CEP170B: variants seen among roughly 807,000 people sequenced by gnomAD.
CEP170B encodes the protein centrosomal protein 170B, also known as centrosomal protein of 170 kDa protein B.
Under a neutral mutation model 120.6 loss-of-function variants are expected in CEP170B, and 55 were observed. The observed-to-expected ratio is 0.46, with a 90% CI of 0.37 to 0.57. The LOEUF (loss-of-function observed/expected upper bound fraction) is 0.57, where lower values mean the gene tolerates loss of function less well. CEP170B is among the 20% of genes least tolerant of loss of function. CEP170B has a pLI of 0.00. For synonymous variants in CEP170B, 1,033 were observed against 954.5 expected (o/e 1.08, Z -1.52); for missense variants, 2,212 against 2,253.3 (o/e 0.98, Z 0.37).
At position 104,886,932 on chromosome 14, in the gene CEP170B, C is replaced by G. The variant is rs200963629; in HGVS notation, c.2693C>G (p.Thr898Ser). Residue 898 changes from threonine to serine, a missense_variant, in exon 12 of 19, where the codon ACC becomes AGC. Transcript: ENST00000414716. ...CCGCTTCTACAGGACCTGGCCGCTA[C>G]CCGGGCCGCACGCATGGACTTCCAC... ...SHPLLQDLAA[T>S]RAARMDFHSQ... The G allele has an allele frequency of 6.2e-7, 1 of 1,609,138 alleles. No individual in the cohort carries two copies. The highest frequency in any genetic ancestry group is 8.5e-7 in the Non-Finnish European group (1 of 1,179,810).
intron 6 of CEP170B, 23 bp downstream of exon 6, chr14:104,880,448 G>A: frequency 1.2e-6 from 2 of 1,607,778 alleles, no homozygotes; most frequent in Non-Finnish European, 1.7e-6. Context: ...AGTGCGGATG[G>A]GGTGAGCACA....
intron 5 of CEP170B, among the ~76,000 whole-genome samples, chr14:104,878,953 G>A (rs1896002705): frequency 1.3e-5 from 2 of 152,240 alleles, no homozygotes; most frequent in African/African-American, 4.8e-5. Flanking sequence ...TCACCCTGCA[G>A]GAGAGTGCAG....
rs1897085939 is a variant in CEP170B, at chr14:104,896,632, A to G, written c.*1674A>G. 1 of 455,814 alleles carries G rather than the reference A, an allele frequency of 2.2e-6. No individual in the cohort carries two copies. Among genetic ancestry groups the G allele is most frequent in the South Asian group, 1.6e-5 (1 of 64,506 alleles). 28.2% of individuals were successfully genotyped at this position (455,814 alleles called of 1,614,324 possible). A position where few individuals can be genotyped will look rare whatever the true frequency, so the allele number is the denominator to read the frequency against. ...GGTCCTTGTTTGCCGGGCTTCTCGGAGGGTTCACTGTACATTCGTTCTCAG... is the reference window on the plus strand; with the variant it reads ...GGTCCTTGTTTGCCGGGCTTCTCGGGGGGTTCACTGTACATTCGTTCTCAG... On this transcript the variant is annotated 3_prime_UTR_variant, in exon 19 of 19. Transcript: ENST00000414716.
In CEP170B at chr14:104,886,401, G is replaced by A. The variant is rs1896509157; in HGVS notation, c.2162G>A (p.Ser721Asn). 3 of 1,582,432 alleles carry A rather than the reference G, an allele frequency of 1.9e-6. No individual in the cohort carries two copies. Among genetic ancestry groups the A allele is most frequent in the South Asian group, 2.3e-5 (2 of 86,790 alleles). ...SPAGPESSRR[S>N]GPGPPELDSE... ...GCGGGCCCAGAGAGCAGCAGGAGGA[G>A]TGGGCCTGGGCCACCGGAGCTGGAC... Residue 721 changes from serine (S) to asparagine (N), a missense_variant, in exon 12 of 19, where the codon AGT becomes AAT. Ser to Asn is a conservative substitution (Grantham distance 46). This residue lies in a region of CEP170B where 2,166 missense variants were observed against 2,166.7 expected (regional missense o/e 1.00). Transcript: ENST00000414716.
chr14:104,872,616 T>C (rs1298553817), intron 2 of CEP170B, among the ~76,000 whole-genome samples: 1 of 152,136 alleles, frequency 6.6e-6, no homozygotes, highest in African/African-American at 2.4e-5. Context: ...TGAGAGCGTG[T>C]GACAGCTGGG....
intron 12 of CEP170B, 184 bp from the exon 13 acceptor site, chr14:104,889,436 G>A (rs1896678871): frequency 6.9e-7 from 1 of 1,458,162 alleles, no homozygotes; most frequent in South Asian, 1.4e-5. Context: ...CCCTCTCCCA[G>A]AGGGACCCTG....
chr14:104,868,595 G>A lies in CEP170B; in HGVS notation c.105+40G>A. Reference sequence around the variant, plus strand: ...CTTGGGGCCAGGAGGGTAGGGGGTAGACAGTCTGTCCCTGTGGAGGCCAGG... The same window carrying A: ...CTTGGGGCCAGGAGGGTAGGGGGTAAACAGTCTGTCCCTGTGGAGGCCAGG... On this transcript the variant is annotated intron_variant, in intron 2 of 18. Coordinates refer to ENST00000414716, the MANE Select transcript of CEP170B (RefSeq NM_001112726.3). The surrounding 1 kb of genome is among the most constrained non-coding windows in gnomAD (Gnocchi z 5.9). 1 of 1,529,590 alleles carries A rather than the reference G, an allele frequency of 6.5e-7. No homozygotes were observed. Among genetic ancestry groups the A allele is most frequent in the Non-Finnish European group, 8.8e-7 (1 of 1,133,494 alleles). 94.8% of individuals were successfully genotyped at this position (1,529,590 alleles called of 1,614,324 possible).
intron 2 of CEP170B, among the ~76,000 whole-genome samples, chr14:104,875,160 C>T (rs2140650259): frequency 6.6e-6 from 1 of 152,336 alleles, no homozygotes; most frequent in South Asian, 2.1e-4. Context: ...GGCCCAGGCT[C>T]TCACCTGGGA....
At chr14:104,869,396 G>A in intron 2 of CEP170B, among the ~76,000 whole-genome samples, 1 of 152,186 alleles carries the variant, frequency 6.6e-6, no homozygotes, top group East Asian at 1.9e-4. Flanking sequence ...TGGATGCAAC[G>A]TGCTACTGCC....
At position 104,886,433 on chromosome 14, in the gene CEP170B, C is replaced by A. The variant is rs1896511310; in HGVS notation, c.2194C>A (p.Gln732Lys). The A allele has an allele frequency of 1.3e-6, 2 of 1,576,712 alleles. No homozygotes were observed. Among genetic ancestry groups the A allele is most frequent in the Non-Finnish European group, 1.7e-6 (2 of 1,162,876 alleles). Residue 732 changes from glutamine to lysine, a missense_variant, in exon 12 of 19, where the codon CAG becomes AAG. Gln to Lys is a moderately conservative substitution (Grantham distance 53). Around this residue, in one of 2 missense-constraint regions of CEP170B, gnomAD observed 2,166 missense variants for 2,166.7 expected, o/e 1.00. Transcript: ENST00000414716. ...TGGGCCACCGGAGCTGGACAGTGAGCAGCCCAGCCGCCTCTTCGGCCAGGA... is the reference window on the plus strand; with the variant it reads ...TGGGCCACCGGAGCTGGACAGTGAGAAGCCCAGCCGCCTCTTCGGCCAGGA... ...GPGPPELDSEQPSRLFGQEEL... is the reference protein window; with the variant it reads ...GPGPPELDSEKPSRLFGQEEL...
At position 104,887,598 on chromosome 14, in the gene CEP170B, C is replaced by G. The variant is rs556690357; in HGVS notation, c.3359C>G (p.Pro1120Arg). ...TCCAACAGCCTGTCCACCCCTCGCCCCACACGGGCCTCCCGGCTGAGGCGG... is the reference window on the plus strand; with the variant it reads ...TCCAACAGCCTGTCCACCCCTCGCCGCACACGGGCCTCCCGGCTGAGGCGG... ...TRSNSLSTPR[P>R]TRASRLRRAR... Residue 1120 changes from proline (P) to arginine (R), a missense_variant, in exon 12 of 19, where the codon CCC becomes CGC. Transcript: ENST00000414716. 7.6e-6 allele frequency: 12 copies of G among 1,585,048 alleles called. No individual in the cohort carries two copies. In the East Asian group the frequency reaches 2.5e-4, roughly 33 times the overall value.
At chr14:104,871,820 G>A (rs982088622) in intron 2 of CEP170B, among the ~76,000 whole-genome samples, 5 of 152,302 alleles carry the variant, frequency 3.3e-5, no homozygotes, top group South Asian at 2.1e-4. Context: ...CAGAGTGGGC[G>A]GCCCGAGGCC....
intron 2 of CEP170B, among the ~76,000 whole-genome samples, chr14:104,872,514 G>A (rs1314868954): frequency 7.3e-6 from 1 of 137,778 alleles, no homozygotes; most frequent in Non-Finnish European, 1.6e-5. Context: ...GTGTAAGTGT[G>A]CATGTGCATA....
In CEP170B at chr14:104,886,939, C is replaced by T. The variant is rs1041178144; in HGVS notation, c.2700C>T (p.Ala900=). 6 of 1,608,828 alleles carry T rather than the reference C, an allele frequency of 3.7e-6. No individual in the cohort carries two copies. The highest frequency in any genetic ancestry group is 1.7e-5 in the Admixed American group (1 of 60,008). ...PLLQDLAATR[A]ARMDFHSQDT... ...TACAGGACCTGGCCGCTACCCGGGCCGCACGCATGGACTTCCACTCCCAGG... is the reference window on the plus strand; with the variant it reads ...TACAGGACCTGGCCGCTACCCGGGCTGCACGCATGGACTTCCACTCCCAGG... Residue 900 remains alanine, a synonymous_variant, in exon 12 of 19, where the codon GCC becomes GCT. Coordinates refer to ENST00000414716, the MANE Select transcript of CEP170B (RefSeq NM_001112726.3).
rs116524759 is a variant in CEP170B at position 104,876,707 on chromosome 14, G to C, written c.195+362G>C. 3.0e-3 allele frequency among the ~76,000 whole-genome samples: 457 copies of C among 152,312 alleles called. 3 individuals are homozygous for C. The highest frequency in any genetic ancestry group is 0.01 in the African/African-American group (431 of 41,572). ...AGGGTCTCAGGCCGCCAAGGATCAGGCTGCTCTCAGGGAGAGTGGACCCTG... is the reference window on the plus strand; with the variant it reads ...AGGGTCTCAGGCCGCCAAGGATCAGCCTGCTCTCAGGGAGAGTGGACCCTG... On this transcript the variant is annotated intron_variant, in intron 3 of 18. Coordinates refer to ENST00000414716, the MANE Select transcript of CEP170B (RefSeq NM_001112726.3).
chr14:104,870,838 A>G lies in CEP170B; in HGVS notation c.105+2283A>G, dbSNP rs1300781791. Among the ~76,000 whole-genome samples the G allele has an allele frequency of 6.6e-6, 1 of 151,948 alleles. No homozygotes were observed. Among genetic ancestry groups the G allele is most frequent in the African/African-American group, 2.4e-5 (1 of 41,334 alleles). On this transcript the variant is annotated intron_variant, in intron 2 of 18. Coordinates refer to ENST00000414716, the MANE Select transcript of CEP170B (RefSeq NM_001112726.3). The surrounding 1 kb of genome is among the most constrained non-coding windows in gnomAD (Gnocchi z 4.1). ...TGTCACCATTGTAAGATGTATCTCC[A>G]TGGGGAAACTGAGGCTCAGGGAGGC...
Position 104,896,503 on chromosome 14 carries a change from C to T in CEP170B, c.*1545C>T. On this transcript the variant is annotated 3_prime_UTR_variant, in exon 19 of 19. Transcript: ENST00000414716. Reference sequence around the variant, plus strand: ...GTCACGCTTCATCCACGGCTCCTTCCCACCCCTCGGCAGTGGCTGTGCAAT... The same window carrying T: ...GTCACGCTTCATCCACGGCTCCTTCTCACCCCTCGGCAGTGGCTGTGCAAT... The T allele has an allele frequency of 2.2e-6, 1 of 447,560 alleles. No individual in the cohort carries two copies. The highest frequency in any genetic ancestry group is 1.6e-5 in the South Asian group (1 of 64,380). 27.7% of individuals were successfully genotyped at this position (447,560 alleles called of 1,614,324 possible).
Position 104,883,057 on chromosome 14 carries a change from G to C in CEP170B, c.600G>C (p.Gln200His). The C allele has an allele frequency of 6.5e-7, 1 of 1,542,098 alleles. No individual in the cohort carries two copies. Among genetic ancestry groups the C allele is most frequent in the South Asian group, 1.2e-5 (1 of 84,204 alleles). ...PYPERPKGPV[Q>H]QDGELHGFRA... ...CAGAGCGCCCCAAGGGACCAGTGCA[G>C]CAGGACGGGGAGCTCCACGGCTTCC... Residue 200 changes from glutamine (Q) to histidine (H), a missense_variant, in exon 8 of 19, where the codon CAG becomes CAC. Physicochemically the swap from Gln to His is conservative, Grantham distance 24. Coordinates refer to ENST00000414716, the MANE Select transcript of CEP170B (RefSeq NM_001112726.3).
At chr14:104,874,667 C>G (rs537512617) in intron 2 of CEP170B, among the ~76,000 whole-genome samples, 1 of 152,158 alleles carries the variant, frequency 6.6e-6, no homozygotes, top group East Asian at 1.9e-4. Context: ...GTCCCTGCCC[C>G]CGGTCCTCCA....
Sources: allele counts gnomAD v4.1 joint callset (sites outside exome capture counted in the v4.1 genomes callset), GRCh38; gene constraint gnomAD v4.1.1; regional missense constraint gnomAD v4.1.1; non-coding constraint Gnocchi (gnomAD v3.1); transcripts MANE v1.5; gene names NCBI Gene and HGNC (gene_info 2026-07-23, HGNC 2026-07-21).